The following SUCLG2 variants were observed in gnomAD, a reference collection of about 807,000 sequenced individuals.
The protein encoded by SUCLG2 is succinate--CoA ligase [GDP-forming] subunit beta, mitochondrial.
SUCLG2 carries 42 observed loss-of-function variants against 47.9 expected under a neutral mutation model. The observed-to-expected ratio is 0.88, with a 90% CI of 0.69 to 1.14. SUCLG2 has a LOEUF of 1.14. SUCLG2 is among the 50% of genes most tolerant of loss of function. The pLI is 0.00. For missense variants in SUCLG2, 571 were observed against 525.9 expected (o/e 1.09, Z -0.84); for synonymous variants, 195 against 197.3 (o/e 0.99, Z 0.10).
chr3:67,367,306 T>C (rs1197229584), intron 10 of SUCLG2, among the ~76,000 whole-genome samples: 1 of 152,164 alleles, frequency 6.6e-6, no homozygotes, highest in African/African-American at 2.4e-5. Flanking sequence ...CCCCAAAAAG[T>C]ATATTATTAA....
At chr3:67,635,272 C>T (rs1246803530) in intron 1 of SUCLG2, among the ~76,000 whole-genome samples, 8 of 152,212 alleles carry the variant, frequency 5.3e-5, no homozygotes, top group Admixed American at 5.2e-4. Flanking sequence ...TTGGCTGAGG[C>T]TTTGCACTGG....
chr3:67,580,075 G>T (rs555791862), intron 2 of SUCLG2, among the ~76,000 whole-genome samples: 1 of 152,152 alleles, frequency 6.6e-6, no homozygotes, highest in African/African-American at 2.4e-5. Context: ...ATGTTTTATG[G>T]TTTTATCCAT....
chr3:67,380,603 T>C (rs762146625), intron 10 of SUCLG2, among the ~76,000 whole-genome samples: 4 of 152,120 alleles, frequency 2.6e-5, no homozygotes, highest in South Asian at 2.1e-4. Flanking sequence ...TATTCAAATA[T>C]GAAGCTCATC....
chr3:67,592,734 A>AC (rs1188910232), intron 2 of SUCLG2, among the ~76,000 whole-genome samples: 17 of 119,174 alleles, frequency 1.4e-4, no homozygotes, highest in Admixed American at 4.8e-4. Flanking sequence ...AAAAAAAAAA[A>AC]AACAACAAAA....
chr3:67,452,921 C>T (rs1180771037), intron 9 of SUCLG2, among the ~76,000 whole-genome samples: 4 of 152,200 alleles, frequency 2.6e-5, no homozygotes, highest in African/African-American at 9.6e-5. Context: ...TTTGAAACTG[C>T]ATAATCTCGC....
At chr3:67,567,316 G>A (rs1361426831) in intron 2 of SUCLG2, among the ~76,000 whole-genome samples, 3 of 148,756 alleles carry the variant, frequency 2.0e-5, no homozygotes, top group African/African-American at 7.4e-5. Context: ...TTTTTTAAGT[G>A]ACAGGGTATG....
chr3:67,496,969 T>C (rs1705360158), intron 8 of SUCLG2, among the ~76,000 whole-genome samples: 1 of 152,190 alleles, frequency 6.6e-6, no homozygotes, highest in African/African-American at 2.4e-5. Flanking sequence ...GTGTAAATCA[T>C]AGATTTTGAG....
chr3:67,569,664 C>T (rs760103021), intron 2 of SUCLG2, among the ~76,000 whole-genome samples: 2 of 152,254 alleles, frequency 1.3e-5, no homozygotes, highest in Admixed American at 6.5e-5. Context: ...TATGCCTGTT[C>T]GCCTATTTGG....
At chr3:67,362,418 G>C (rs536847972) in intron 10 of SUCLG2, among the ~76,000 whole-genome samples, 1 of 152,124 alleles carries the variant, frequency 6.6e-6, no homozygotes, top group East Asian at 1.9e-4. Context: ...AGAGTAAGTG[G>C]GCTTTCTTTA....
chr3:67,497,845 G>C (rs1553651166), intron 8 of SUCLG2, among the ~76,000 whole-genome samples: 1 of 152,124 alleles, frequency 6.6e-6, no homozygotes, highest in Non-Finnish European at 1.5e-5. Context: ...AGTGGGGGTT[G>C]TTAGTAGTAT....
chr3:67,463,290 A>C lies in SUCLG2; in HGVS notation c.1062+32508T>G, dbSNP rs188075946. 7.3e-3 allele frequency among the ~76,000 whole-genome samples: 1,106 copies of C among 152,286 alleles called. 10 individuals carry two copies. Among genetic ancestry groups the C allele is most frequent in the Admixed American group, 9.3e-3 (143 of 15,298 alleles). On this transcript the variant is annotated intron_variant, in intron 9 of 10. Coordinates refer to ENST00000307227, the MANE Select transcript of SUCLG2 (RefSeq NM_003848.4). ...GCCTGACACACAGAGTACCCTCACC[A>C]ATGTTAATTCCTTATTATTACCATT...
At chr3:67,627,853 C>G in intron 1 of SUCLG2, among the ~76,000 whole-genome samples, 1 of 152,198 alleles carries the variant, frequency 6.6e-6, no homozygotes, top group Non-Finnish European at 1.5e-5. Flanking sequence ...TTTCCGAAAA[C>G]TCTAGATCCC....
At chr3:67,592,905 A>G (rs1708203405) in intron 2 of SUCLG2, among the ~76,000 whole-genome samples, 1 of 152,182 alleles carries the variant, frequency 6.6e-6, no homozygotes. Flanking sequence ...GCCTTGACAA[A>G]TCAAAATGAA....
chr3:67,409,074 G>C, intron 9 of SUCLG2: 1 of 1,521,220 alleles, frequency 6.6e-7, no homozygotes, highest in Non-Finnish European at 8.8e-7. Flanking sequence ...TCTTGTATAG[G>C]TTTGTGGACC....
At chr3:67,647,011 T>G (rs1165133877) in intron 1 of SUCLG2, among the ~76,000 whole-genome samples, 1 of 152,162 alleles carries the variant, frequency 6.6e-6, no homozygotes, top group Non-Finnish European at 1.5e-5. Context: ...CTTGCTCTTG[T>G]CTCTGGCCTC....
intron 2 of SUCLG2, among the ~76,000 whole-genome samples, chr3:67,563,043 G>A (rs944619771): frequency 2.7e-5 from 4 of 149,858 alleles, no homozygotes; most frequent in African/African-American, 9.7e-5. Context: ...TAATGTGTAC[G>A]ATTTACATTC....
intron 2 of SUCLG2, among the ~76,000 whole-genome samples, chr3:67,587,746 A>T (rs1708061681): frequency 6.6e-6 from 1 of 152,346 alleles, no homozygotes; most frequent in Admixed American, 6.5e-5. Flanking sequence ...ACGACTGTCA[A>T]ATGTGTCACC....
At chr3:67,492,929 G>A (rs529883835) in intron 9 of SUCLG2, among the ~76,000 whole-genome samples, 3 of 152,294 alleles carry the variant, frequency 2.0e-5, no homozygotes, top group South Asian at 2.1e-4. Context: ...ATTGAATGAC[G>A]TGTTTACTAA....
chr3:67,552,703 A>G (rs1218531275), intron 2 of SUCLG2, among the ~76,000 whole-genome samples: 2 of 152,240 alleles, frequency 1.3e-5, no homozygotes, highest in African/African-American at 2.4e-5. Flanking sequence ...TCTGCAAAAC[A>G]GAGTATAACA....
Sources: gnomAD v4.1 joint callset for allele counts (sites outside exome capture counted in the v4.1 genomes callset) on GRCh38, gnomAD v4.1.1 for gene constraint, MANE v1.5 for transcripts, NCBI Gene and HGNC (gene_info 2026-07-23, HGNC 2026-07-21) for gene names.